PDXDC1: variants seen among roughly 807,000 people sequenced by gnomAD.
PDXDC1 encodes the protein pyridoxal-dependent decarboxylase domain-containing protein 1.
Under a neutral mutation model 100.1 loss-of-function variants are expected in PDXDC1, and 42 were observed. The ratio of observed to expected loss-of-function variants is 0.42; its 90% confidence interval spans 0.33 to 0.54. PDXDC1 has a LOEUF of 0.54. Ranked by LOEUF, PDXDC1 falls within the 20% of genes least tolerant of loss-of-function variation. The pLI is 0.10. For synonymous variants in PDXDC1, 260 were observed against 371.7 expected (o/e 0.70, Z 3.46); for missense variants, 636 against 979.2 (o/e 0.65, Z 4.68).
At chr16:15,111,108 A>C (rs1271774900) in intron 16 of PDXDC1, among the ~76,000 whole-genome samples, 1 of 135,522 alleles carries the variant, frequency 7.4e-6, no homozygotes, top group Non-Finnish European at 1.6e-5. Context: ...AGCCTGAGCG[A>C]CAGAATGAGA....
At chr16:15,101,994 G>A (rs182746155) in intron 16 of PDXDC1, among the ~76,000 whole-genome samples, 4 of 151,992 alleles carry the variant, frequency 2.6e-5, no homozygotes, top group Non-Finnish European at 5.9e-5. Flanking sequence ...GATTACAGGT[G>A]CGTGCCACCA....
At chr16:15,141,982 G>A (rs1056749111), downstream of PDXDC1, among the ~76,000 whole-genome samples, 9 of 152,188 alleles carry the variant, frequency 5.9e-5, no homozygotes, top group Non-Finnish European at 7.4e-5. Context: ...GCAGCCCTAA[G>A]GGGCGAGAGG....
At chr16:15,098,519 T>C (rs1471206582) in intron 16 of PDXDC1, among the ~76,000 whole-genome samples, 2 of 152,074 alleles carry the variant, frequency 1.3e-5, no homozygotes, top group Non-Finnish European at 1.5e-5. Context: ...TTTTTCTATT[T>C]AGAAATTGTT....
chr16:15,047,778 A>G (rs2044135349), intron 16 of PDXDC1: 1 of 1,243,534 alleles, frequency 8.0e-7, no homozygotes, highest in Non-Finnish European at 1.2e-6. Context: ...ACACCAGGAA[A>G]CTCAACACGA....
In PDXDC1 at chr16:15,071,237, T is replaced by C. The variant is rs754034194; in HGVS notation, c.1399+41181T>C. ...ATTTTTTCCAGAGATGTTCCAAAAA[T>C]GCCTCTGCGAATCCCTATAAAAAGA... is the stretch of plus-strand genomic sequence containing the variant. On this transcript the variant is annotated intron_variant, in intron 16 of 16. Transcript: ENST00000535621. 5 of 1,610,316 alleles carry C rather than the reference T, an allele frequency of 3.1e-6. No homozygotes were observed. The South Asian group carries it at 3.3e-5, about 11-fold the overall frequency.
intron 16 of PDXDC1, chr16:15,092,614 C>T (rs1212272693): frequency 6.4e-7 from 1 of 1,572,722 alleles, no homozygotes; most frequent in Admixed American, 1.7e-5. Context: ...TATTTGAAAT[C>T]CTGTGGAACC....
intron 1 of PDXDC1, among the ~76,000 whole-genome samples, chr16:14,984,524 C>T (rs1429041379): frequency 1.8e-5 from 2 of 108,424 alleles, no homozygotes; most frequent in Non-Finnish European, 3.8e-5. Context: ...CTGAGACGGA[C>T]TCTCACCCTG....
intron 16 of PDXDC1, among the ~76,000 whole-genome samples, chr16:15,090,030 G>A (rs1297039167): frequency 6.6e-6 from 1 of 151,794 alleles, no homozygotes; most frequent in East Asian, 1.9e-4. Context: ...CCAACATGGT[G>A]AAACCCCGTT....
At chr16:15,047,421 T>C in intron 16 of PDXDC1, 1 of 1,458,410 alleles carries the variant, frequency 6.9e-7, no homozygotes, top group Non-Finnish European at 9.6e-7. Context: ...AATTCACCTA[T>C]GAGAGCAGCG....
chr16:15,131,425 G>C, intron 16 of PDXDC1: 1 of 1,607,826 alleles, frequency 6.2e-7, no homozygotes, highest in Non-Finnish European at 8.5e-7. Context: ...GTTAGCCGGG[G>C]CCCTGCTGAA....
chr16:15,059,847 C>A (rs1036746275), intron 16 of PDXDC1, among the ~76,000 whole-genome samples: 1 of 152,046 alleles, frequency 6.6e-6, no homozygotes, highest in African/African-American at 2.4e-5. Flanking sequence ...AGGAGAGTCG[C>A]GGATACTTCA....
intron 6 of PDXDC1, among the ~76,000 whole-genome samples, chr16:15,007,376 G>T (rs1482864925): frequency 6.6e-6 from 1 of 152,202 alleles, no homozygotes; most frequent in Non-Finnish European, 1.5e-5. Flanking sequence ...GGGTTTCACC[G>T]TGTTAGCCAG....
intron 16 of PDXDC1, among the ~76,000 whole-genome samples, chr16:15,111,470 A>AG (rs1465246501): frequency 6.8e-6 from 1 of 146,212 alleles, no homozygotes; most frequent in East Asian, 2.0e-4. Context: ...AAAAAAAAAA[A>AG]AAAAATAGGC....
Position 15,037,818 on chromosome 16 carries a change from A to G in PDXDC1, c.*1543A>G, listed in dbSNP as rs1187862344. The G allele has an allele frequency of 2.1e-6, 1 of 468,996 alleles. No homozygotes were observed. Among genetic ancestry groups the G allele is most frequent in the Middle Eastern group, 5.5e-4 (1 of 1,824 alleles). The allele number at this position is 468,996 out of a possible 1,614,324, so 29.1% of individuals were successfully genotyped here. ...CGACCAAAAAAAAAACTGGACATCAATTTTTTAGTAAACCAAAAAATAAGT... is the reference window on the plus strand; with the variant it reads ...CGACCAAAAAAAAAACTGGACATCAGTTTTTTAGTAAACCAAAAAATAAGT... On this transcript the variant is annotated 3_prime_UTR_variant, in exon 23 of 23. Coordinates refer to ENST00000396410, the MANE Select transcript of PDXDC1 (RefSeq NM_015027.4).
chr16:15,058,118 T>C (rs2044589775), intron 16 of PDXDC1, among the ~76,000 whole-genome samples: 1 of 152,022 alleles, frequency 6.6e-6, no homozygotes, highest in Non-Finnish European at 1.5e-5. Flanking sequence ...GAGACGAGCC[T>C]GGACAACACA....
At chr16:15,100,608 C>G (rs2046508953) in intron 16 of PDXDC1, among the ~76,000 whole-genome samples, 1 of 152,174 alleles carries the variant, frequency 6.6e-6, no homozygotes, top group African/African-American at 2.4e-5. Context: ...CTCCTCCCCA[C>G]AGTAACATTC....
chr16:15,054,033 C>T (rs149282862), intron 16 of PDXDC1, among the ~76,000 whole-genome samples: 1 of 152,178 alleles, frequency 6.6e-6, no homozygotes, highest in African/African-American at 2.4e-5. Flanking sequence ...TACAATCCAC[C>T]CCTGTAAGGT....
the PDXDC1 span, among the ~76,000 whole-genome samples, chr16:15,145,257 G>T: frequency 6.6e-6 from 1 of 152,250 alleles, no homozygotes; most frequent in South Asian, 2.1e-4. Context: ...CAGCAGCACA[G>T]ATCCAGCGGG....
At position 15,061,837 on chromosome 16, in the gene PDXDC1, C is replaced by A; in HGVS notation, c.1399+31781C>A. The stretch of plus-strand genomic sequence containing the variant: ...GCGTGTCAAAGGAGCTTGGTGTGAT[C>A]CCAATCACGGTATCATTCTGGGGCA... On this transcript the variant is annotated intron_variant, in intron 16 of 16. Coordinates refer to the PDXDC1 transcript ENST00000535621. 7 of 1,614,038 alleles carry A rather than the reference C, an allele frequency of 4.3e-6. No homozygotes were observed. The South Asian group carries it at 7.7e-5, about 18-fold the overall frequency.
Sources: gnomAD v4.1 joint callset for allele counts (sites outside exome capture counted in the v4.1 genomes callset) on GRCh38, gnomAD v4.1.1 for gene constraint, MANE v1.5 for transcripts, NCBI Gene and HGNC (gene_info 2026-07-23, HGNC 2026-07-21) for gene names.